The following CPLX2 variants were observed in gnomAD, a reference collection of about 807,000 sequenced individuals.
CPLX2 encodes complexin-2.
CPLX2 carries 5 observed loss-of-function variants against 16.3 expected under a neutral mutation model. That is an observed-to-expected ratio of 0.31 (90% CI 0.16 to 0.64). The LOEUF is 0.64. Ranked by LOEUF, CPLX2 falls within the 30% of genes least tolerant of loss-of-function variation. The pLI, the probability that CPLX2 is intolerant of heterozygous loss-of-function variation, is 0.79. For missense variants in CPLX2, 144 were observed against 181.4 expected (o/e 0.79, Z 1.18); for synonymous variants, 89 against 73.2 (o/e 1.22, Z -1.10).
intron 1 of CPLX2, among the ~76,000 whole-genome samples, chr5:175,874,774 G>A (rs1353692840): frequency 6.6e-6 from 1 of 152,108 alleles, no homozygotes; most frequent in African/African-American, 2.4e-5. Flanking sequence ...AACCAATAGG[G>A]GTGGACGAGA....
chr5:175,862,799 G>A (rs1034204953), intron 2 of CPLX2, among the ~76,000 whole-genome samples: 10 of 152,156 alleles, frequency 6.6e-5, no homozygotes, highest in African/African-American at 2.4e-4. Flanking sequence ...ATTGATCTCT[G>A]GGGACTGGGG....
chr5:175,827,911 T>C (rs979073169), intron 2 of CPLX2, among the ~76,000 whole-genome samples: 2 of 152,190 alleles, frequency 1.3e-5, no homozygotes, highest in African/African-American at 4.8e-5. Context: ...TCGAGGGTGA[T>C]AGAAAGACCC....
In CPLX2 at chr5:175,832,561, T is replaced by C. The variant is rs1028013261; in HGVS notation, c.-89+23493T>C. Among the ~76,000 whole-genome samples the C allele has an allele frequency of 2.0e-5, 3 of 152,336 alleles. No homozygotes were observed. The South Asian group carries it at 6.2e-4, about 32-fold the overall frequency. On this transcript the variant is annotated intron_variant, in intron 2 of 4. Transcript: ENST00000359546. ...GGGCCTGTGACGCTTTCAGTTATGT[T>C]CTTTTGTAAATGCCAGACAAGCTTG...
chr5:175,814,625 T>A (rs1758372357), intron 2 of CPLX2, among the ~76,000 whole-genome samples: 1 of 152,060 alleles, frequency 6.6e-6, no homozygotes, highest in African/African-American at 2.4e-5. Flanking sequence ...GGTACACTGA[T>A]AGCAAGCAAC....
chr5:175,866,773 T>C (rs1759487280), upstream of CPLX2, among the ~76,000 whole-genome samples: 1 of 152,124 alleles, frequency 6.6e-6, no homozygotes, highest in South Asian at 2.1e-4. Flanking sequence ...GTACCCTCTT[T>C]CTGAGAAAAG....
chr5:175,805,900 A>C (rs1758191017), intron 1 of CPLX2, among the ~76,000 whole-genome samples: 1 of 152,180 alleles, frequency 6.6e-6, no homozygotes, highest in South Asian at 2.1e-4. Flanking sequence ...CCAAGCCAGC[A>C]GGCTGAGTCC....
At chr5:175,839,261 A>ATTTT (rs572745421) in intron 2 of CPLX2, among the ~76,000 whole-genome samples, 23,063 of 151,752 alleles carry the variant, frequency 0.15, 2,022 homozygotes, top group East Asian at 0.29. Context: ...TTTTCCATGA[A>ATTTT]TTTTTGTTTT....
intron 2 of CPLX2, among the ~76,000 whole-genome samples, chr5:175,831,028 T>C (rs989388791): frequency 6.6e-6 from 1 of 152,142 alleles, no homozygotes; most frequent in African/African-American, 2.4e-5. Flanking sequence ...CCATATCCTA[T>C]GCAGGCGTGA....
upstream of CPLX2, among the ~76,000 whole-genome samples, chr5:175,869,372 A>G (rs1180164310): frequency 1.3e-5 from 2 of 152,204 alleles, no homozygotes; most frequent in Non-Finnish European, 1.5e-5. Context: ...CACACCTGCC[A>G]TCTTCCAGAG....
At chr5:175,851,959 G>A (rs1759164472) in intron 2 of CPLX2, among the ~76,000 whole-genome samples, 1 of 152,320 alleles carries the variant, frequency 6.6e-6, no homozygotes, top group Non-Finnish European at 1.5e-5. Context: ...CCCTGGGACG[G>A]GCTATTTCTG....
chr5:175,810,401 C>T (rs1402031444), intron 2 of CPLX2, among the ~76,000 whole-genome samples: 1 of 152,196 alleles, frequency 6.6e-6, no homozygotes, highest in African/African-American at 2.4e-5. Context: ...TCTCCAATGT[C>T]TTGGCATTTC....
At chr5:175,871,456 A>AGAGAGAGAGAGAGAGAGAGAGG (rs1759607255), upstream of CPLX2, 7 of 122,810 alleles carry the variant, frequency 5.7e-5, no homozygotes, top group African/African-American at 1.8e-4. Context: ...AGAGAGAGAG[A>AGAGAGAGAGAGAGAGAGAGAGG]GAGAGAGAGA....
At chr5:175,806,969 C>T (rs1013428738) in intron 1 of CPLX2, among the ~76,000 whole-genome samples, 6 of 152,122 alleles carry the variant, frequency 3.9e-5, no homozygotes, top group Non-Finnish European at 7.4e-5. Context: ...GCCAGGCTAG[C>T]GGGAGTGTTA....
chr5:175,869,255 A>G (rs1759535235), upstream of CPLX2, among the ~76,000 whole-genome samples: 1 of 152,156 alleles, frequency 6.6e-6, no homozygotes, highest in African/African-American at 2.4e-5. Flanking sequence ...CGCCAGTGAG[A>G]TTTTCTGCAG....
intron 2 of CPLX2, among the ~76,000 whole-genome samples, chr5:175,816,050 T>C (rs1044320568): frequency 1.3e-5 from 2 of 152,242 alleles, no homozygotes; most frequent in African/African-American, 4.8e-5. Context: ...CTCCTTAACA[T>C]GATGTCTTCT....
chr5:175,856,692 C>T (rs761049294), intron 2 of CPLX2, among the ~76,000 whole-genome samples: 1 of 152,078 alleles, frequency 6.6e-6, no homozygotes, highest in Non-Finnish European at 1.5e-5. Flanking sequence ...TCCTCATCTA[C>T]AGACAGAGAT....
At chr5:175,859,926 G>A (rs1759330449) in intron 2 of CPLX2, among the ~76,000 whole-genome samples, 1 of 152,220 alleles carries the variant, frequency 6.6e-6, no homozygotes, top group African/African-American at 2.4e-5. Context: ...ATTCCAGCAG[G>A]TCCCTTCCAG....
At chr5:175,844,687 G>A (rs1443842249) in intron 2 of CPLX2, among the ~76,000 whole-genome samples, 1 of 152,258 alleles carries the variant, frequency 6.6e-6, no homozygotes, top group Non-Finnish European at 1.5e-5. Context: ...AAGGGCCGGA[G>A]GCTGGCGGAG....
chr5:175,841,869 G>A (rs1012314780), intron 2 of CPLX2, among the ~76,000 whole-genome samples: 3 of 152,190 alleles, frequency 2.0e-5, no homozygotes, highest in African/African-American at 7.2e-5. Flanking sequence ...TACTCACCTT[G>A]TAAGGTTTTA....
Sources: gnomAD v4.1 joint callset for allele counts (sites outside exome capture counted in the v4.1 genomes callset) on GRCh38, gnomAD v4.1.1 for gene constraint, MANE v1.5 for transcripts, NCBI Gene and HGNC (gene_info 2026-07-23, HGNC 2026-07-21) for gene names.